The following ANK2 variants were observed in gnomAD, a reference collection of about 807,000 sequenced individuals.
ANK2 encodes ankyrin 2.
Under a neutral mutation model 360.5 loss-of-function variants are expected in ANK2, and 83 were observed. The observed-to-expected ratio is 0.23, with a 90% CI of 0.19 to 0.28. The LOEUF (loss-of-function observed/expected upper bound fraction) is 0.28. Ranked by LOEUF, ANK2 falls within the 10% of genes least tolerant of loss-of-function variation. The pLI, the probability that ANK2 is intolerant of heterozygous loss-of-function variation, is 1.00. For missense variants in ANK2, 4,201 were observed against 4,795.7 expected, an observed-to-expected ratio of 0.88 and a Z score of 3.66; for synonymous variants, 1,740 against 1,759.5, an observed-to-expected ratio of 0.99 and a Z score of 0.28.
intron 26 of ANK2, among the ~76,000 whole-genome samples, chr4:113,327,635 T>C (rs1182626449): frequency 6.6e-6 from 1 of 152,202 alleles, no homozygotes; most frequent in East Asian, 1.9e-4. Flanking sequence ...GGAGAACATG[T>C]TCACTGTTAT....
intron 2 of ANK2, among the ~76,000 whole-genome samples, chr4:112,916,898 G>A (rs1271237068): frequency 1.3e-5 from 2 of 152,272 alleles, no homozygotes; most frequent in East Asian, 1.9e-4. Context: ...GCATTAAGAT[G>A]TCTTAAACAG....
At chr4:113,036,710 G>A (rs1354575114) in intron 2 of ANK2, among the ~76,000 whole-genome samples, 2 of 151,636 alleles carry the variant, frequency 1.3e-5, no homozygotes, top group African/African-American at 4.8e-5. Context: ...TTGAAATAAT[G>A]TTCTGTAGAT....
chr4:113,337,128 C>T (rs2093643732), intron 31 of ANK2, among the ~76,000 whole-genome samples: 1 of 152,132 alleles, frequency 6.6e-6, no homozygotes, highest in South Asian at 2.1e-4. Context: ...TTCAAAACCA[C>T]ACCCATATGT....
At chr4:113,227,118 C>T (rs2099233500) in intron 4 of ANK2, among the ~76,000 whole-genome samples, 1 of 152,146 alleles carries the variant, frequency 6.6e-6, no homozygotes, top group Non-Finnish European at 1.5e-5. Flanking sequence ...CATGCCTTGT[C>T]CTAATTACCC....
the ANK2 span, among the ~76,000 whole-genome samples, chr4:112,708,454 A>G: frequency 6.6e-6 from 1 of 152,226 alleles, no homozygotes; most frequent in South Asian, 2.1e-4. Flanking sequence ...GGAAATTTAG[A>G]AATTAAAATA....
chr4:112,891,588 A>C (rs2080044138), intron 1 of ANK2, among the ~76,000 whole-genome samples: 2 of 152,208 alleles, frequency 1.3e-5, no homozygotes, highest in South Asian at 4.1e-4. Context: ...GGCAGAGCTA[A>C]GTTCAAATCC....
At chr4:112,755,069 T>C in the ANK2 span, among the ~76,000 whole-genome samples, 1 of 152,234 alleles carries the variant, frequency 6.6e-6, no homozygotes, top group East Asian at 1.9e-4. Flanking sequence ...AGTGGACCAC[T>C]GTATATGCCT....
At chr4:112,719,591 T>G in the ANK2 span, among the ~76,000 whole-genome samples, 4 of 151,340 alleles carry the variant, frequency 2.6e-5, no homozygotes, top group Admixed American at 1.3e-4. Context: ...AGCCAGGCGT[T>G]GTGGTGGGCG....
chr4:113,374,221 G>C (rs2096846061), intron 45 of ANK2, among the ~76,000 whole-genome samples: 1 of 152,164 alleles, frequency 6.6e-6, no homozygotes, highest in South Asian at 2.1e-4. Context: ...ACTGCACCTG[G>C]CAATCTATAC....
At chr4:112,734,135 C>CAT in the ANK2 span, among the ~76,000 whole-genome samples, 26 of 152,000 alleles carry the variant, frequency 1.7e-4, no homozygotes, top group Non-Finnish European at 2.2e-4. Flanking sequence ...TGCATATATA[C>CAT]ATATATATAT....
At chr4:112,969,958 T>C (rs1022099323) in intron 2 of ANK2, among the ~76,000 whole-genome samples, 1 of 152,144 alleles carries the variant, frequency 6.6e-6, no homozygotes, top group Admixed American at 6.5e-5. Context: ...TATGTAACAA[T>C]ACTGTTAATC....
intron 23 of ANK2, among the ~76,000 whole-genome samples, chr4:113,304,342 A>G (rs1003844641): frequency 1.3e-5 from 2 of 152,212 alleles, no homozygotes; most frequent in Non-Finnish European, 2.9e-5. Flanking sequence ...TTAACTGGAT[A>G]GAACAACTTG....
chr4:112,728,386 A>G, the ANK2 span, among the ~76,000 whole-genome samples: 1 of 151,946 alleles, frequency 6.6e-6, no homozygotes, highest in South Asian at 2.1e-4. Flanking sequence ...ATTTGAACCT[A>G]GAAACAAATT....
chr4:112,849,962 G>T (rs1440742225), intron 1 of ANK2, among the ~76,000 whole-genome samples: 1 of 152,172 alleles, frequency 6.6e-6, no homozygotes, highest in Admixed American at 6.5e-5. Flanking sequence ...GAACAAAAAG[G>T]TGAAGGAAGG....
chr4:112,921,961 A>G (rs528702375), intron 2 of ANK2, among the ~76,000 whole-genome samples: 6 of 152,320 alleles, frequency 3.9e-5, no homozygotes, highest in African/African-American at 1.4e-4. Flanking sequence ...GTTTAGCATT[A>G]TGGCCTCGAA....
chr4:113,200,099 T>G (rs774785035), intron 4 of ANK2, among the ~76,000 whole-genome samples: 2 of 152,214 alleles, frequency 1.3e-5, no homozygotes, highest in African/African-American at 2.4e-5. Flanking sequence ...ATTTTTATCT[T>G]TGTAATATCA....
chr4:112,912,686 A>T (rs1267778494), intron 2 of ANK2, among the ~76,000 whole-genome samples: 2 of 152,130 alleles, frequency 1.3e-5, no homozygotes, highest in Admixed American at 1.3e-4. Context: ...TGATATTATT[A>T]GGAAGAAGTC....
chr4:113,318,618 AG>A lies in ANK2; in HGVS notation c.2900+1del. The part of the protein sequence containing the change: ...VALSSSPIHS[G>X]FLVSFMVDAR... ...CTCTTTCTTCTAGTCCTATTCATTC[AG>A]GGTGAGTAAATCAATATTATGTATC... On this transcript the variant is annotated frameshift_variant and splice_region_variant, in exon 26 of 46. Coordinates refer to ENST00000357077, the MANE Select transcript of ANK2 (RefSeq NM_001148.6). LOFTEE classifies it high-confidence loss of function. The A allele has an allele frequency of 6.2e-7, 1 of 1,605,928 alleles. No individual in the cohort carries two copies. The highest frequency in any genetic ancestry group is 2.2e-5 in the East Asian group (1 of 44,788).
intron 14 of ANK2, among the ~76,000 whole-genome samples, chr4:113,268,882 C>T (rs2057333583): frequency 6.6e-6 from 1 of 151,988 alleles, no homozygotes. Context: ...TGGTCCTGGG[C>T]TTTTTTTGGT....
Sources: gnomAD v4.1 joint callset for allele counts (sites outside exome capture counted in the v4.1 genomes callset) on GRCh38, gnomAD v4.1.1 for gene constraint, MANE v1.5 for transcripts, NCBI Gene and HGNC (gene_info 2026-07-23, HGNC 2026-07-21) for gene names.